The following ATXN7L2 variants were observed in gnomAD, a reference collection of about 807,000 sequenced individuals.
ATXN7L2 encodes ataxin 7 like 2, also known as ataxin-7-like protein 2.
In ATXN7L2, 17 loss-of-function variants were observed where a neutral mutation model predicts 59.6. The observed-to-expected ratio is 0.29, with a 90% confidence interval of 0.20 to 0.43. ATXN7L2 has a LOEUF of 0.43. Among genes scored for constraint, ATXN7L2 ranks in the 20% least tolerant of loss-of-function variants. ATXN7L2 has a pLI of 1.00. For missense variants in ATXN7L2, 858 were observed against 1,008.9 expected (o/e 0.85, Z 2.03); for synonymous variants, 378 against 392.5 (o/e 0.96, Z 0.44).
intron 1 of ATXN7L2, chr1:109,485,351 A>T: frequency 1.0e-6 from 1 of 985,368 alleles, no homozygotes; most frequent in Non-Finnish European, 1.2e-6. Flanking sequence ...TACAAGGGCA[A>T]CCCCTGCCCA....
At chr1:109,485,427 C>T in intron 1 of ATXN7L2, 1 of 985,350 alleles carries the variant, frequency 1.0e-6, no homozygotes, top group Non-Finnish European at 1.2e-6. Context: ...TGCTCAAGGA[C>T]CAAAGACAGC....
At position 109,488,614 on chromosome 1, in the gene ATXN7L2, C is replaced by A; in HGVS notation, c.879+149C>A. On this transcript the variant is annotated intron_variant, in intron 6 of 10. Coordinates refer to ENST00000683729, the MANE Select transcript of ATXN7L2 (RefSeq NM_001350175.2). The surrounding 1 kb of genome is among the most constrained non-coding windows in gnomAD (Gnocchi z 5.0). ...CCCAAGGGAAGGGGAGATGGGTATG[C>A]CCCTCCTGGGCAGAAGGTGGGAACA... 1 of 1,050,810 alleles carries A rather than the reference C, an allele frequency of 9.5e-7. No individual in the cohort carries two copies. 65.1% of individuals were successfully genotyped at this position (1,050,810 alleles called of 1,614,324 possible).
intron 1 of ATXN7L2, 155 bp from the exon 2 acceptor site, chr1:109,485,902 T>C (rs954526447): frequency 1.6e-6 from 2 of 1,285,994 alleles, no homozygotes; most frequent in Non-Finnish European, 2.0e-6. Context: ...TCACGGAGTG[T>C]GGGCTTCATA....
chr1:109,486,166 G>A lies in ATXN7L2; in HGVS notation c.193+44G>A. 1 of 1,520,170 alleles carries A rather than the reference G, an allele frequency of 6.6e-7. No homozygotes were observed. The highest frequency in any genetic ancestry group is 8.8e-7 in the Non-Finnish European group (1 of 1,136,772). The allele number at this position is 1,520,170 out of a possible 1,614,324, so 94.2% of individuals were successfully genotyped here. On this transcript the variant is annotated intron_variant, in intron 2 of 10. Transcript: ENST00000683729. This position sits in a 1 kb window ranked among gnomAD's most constrained non-coding sequence, Gnocchi z 4.3. ...TAGGGCTGGGACCCAGGGCAGACAGGACCACGCTCCACTTTTCCACCACAC... is the reference window on the plus strand; with the variant it reads ...TAGGGCTGGGACCCAGGGCAGACAGAACCACGCTCCACTTTTCCACCACAC...
At position 109,488,798 on chromosome 1, in the gene ATXN7L2, C is replaced by T; in HGVS notation, c.880-49C>T. The T allele has an allele frequency of 6.3e-7, 1 of 1,580,688 alleles. No individual in the cohort carries two copies. The highest frequency in any genetic ancestry group is 8.6e-7 in the Non-Finnish European group (1 of 1,159,472). ...CAAAGCACCCTGCCGTCCCTCACCC[C>T]TTCTCAGTTCATACCTACTCCCCAG... On this transcript the variant is annotated intron_variant, in intron 6 of 10. Transcript: ENST00000683729. The surrounding 1 kb of genome is among the most constrained non-coding windows in gnomAD (Gnocchi z 5.0).
chr1:109,492,149 C>T, intron 10 of ATXN7L2: 3 of 1,039,804 alleles, frequency 2.9e-6, no homozygotes, highest in Non-Finnish European at 3.5e-6. Flanking sequence ...GCATCAGGGC[C>T]TTGAAGGGCA....
rs1233853491 is a variant in ATXN7L2 at position 109,486,360 on chromosome 1, C to T, written c.194-146C>T. On this transcript the variant is annotated intron_variant, in intron 2 of 10. Coordinates refer to ENST00000683729, the MANE Select transcript of ATXN7L2 (RefSeq NM_001350175.2). This position sits in a 1 kb window ranked among gnomAD's most constrained non-coding sequence, Gnocchi z 4.3. The stretch of plus-strand genomic sequence containing the variant: ...CCTTTGGGACTGCTTAGATCGAACT[C>T]TGGAAGCTGGAAGCATTCAGCATGG... The T allele has an allele frequency of 1.1e-6, 1 of 922,122 alleles. No homozygotes were observed. The highest frequency in any genetic ancestry group is 1.6e-6 in the Non-Finnish European group (1 of 620,278). The allele number at this position is 922,122 out of a possible 1,614,324, so 57.1% of individuals were successfully genotyped here.
In ATXN7L2 at chr1:109,491,510, A is replaced by G. The variant is rs781347048; in HGVS notation, c.2043A>G (p.Gly681=). ...PVKASQLENR[G]AAGHPAKALP... ...AGGCTTCTCAGCTGGAGAACCGGGGAGCAGCTGGACACCCAGCCAAGGCCC... is the reference window on the plus strand; with the variant it reads ...AGGCTTCTCAGCTGGAGAACCGGGGGGCAGCTGGACACCCAGCCAAGGCCC... Residue 681 remains glycine, a synonymous_variant, in exon 10 of 11, where the codon GGA becomes GGG. Coordinates refer to ENST00000683729, the MANE Select transcript of ATXN7L2 (RefSeq NM_001350175.2). The surrounding 1 kb of genome is among the most constrained non-coding windows in gnomAD (Gnocchi z 4.1). 3.7e-6 allele frequency: 6 copies of G among 1,613,924 alleles called. No homozygotes were observed. The South Asian group carries it at 6.6e-5, about 18-fold the overall frequency.
Position 109,489,262 on chromosome 1 carries a change from G to A in ATXN7L2, c.1133+162G>A, listed in dbSNP as rs141394780. ...TCCTGACAGTGGTGTGGAAGCAGGA[G>A]ACTCCCCTGTTTCCAACCAGGCATA... On this transcript the variant is annotated intron_variant, in intron 7 of 10. Transcript: ENST00000683729. 2,105 of 956,808 alleles carry A rather than the reference G, an allele frequency of 2.2e-3. 8 individuals are homozygous for A. The highest frequency in any genetic ancestry group is 9.7e-3 in the Middle Eastern group (29 of 2,996). The allele number at this position is 956,808 out of a possible 1,614,324, so 59.3% of individuals were successfully genotyped here. A position where few individuals can be genotyped will look rare whatever the true frequency, so the allele number is the denominator to read the frequency against.
chr1:109,489,618 C>T, intron 7 of ATXN7L2: 1 of 446,834 alleles, frequency 2.2e-6, no homozygotes, highest in Non-Finnish European at 4.0e-6. Flanking sequence ...ACTGGGCTGA[C>T]CAGAGCTGGG....
chr1:109,485,393 A>G, intron 1 of ATXN7L2: 1 of 985,512 alleles, frequency 1.0e-6, no homozygotes, highest in Non-Finnish European at 1.2e-6. Flanking sequence ...GGACTTGCAT[A>G]GCTGACCAAG....
rs759917945 is a variant in ATXN7L2 at position 109,484,010 on chromosome 1, G to A, written c.57G>A (p.Pro19=). ...TGGCCGCTCTGGAGCGGCGGGTGCC[G>A]AGTCTCGATGACTTCGCGGGACAGA... The part of the protein sequence containing the change: ...AAMAALERRV[P]SLDDFAGQSW... Residue 19 remains proline (P), a synonymous_variant, in exon 1 of 11, where the codon CCG becomes CCA. Transcript: ENST00000683729. 3 of 1,401,118 alleles carry A rather than the reference G, an allele frequency of 2.1e-6. No homozygotes were observed. Among genetic ancestry groups the A allele is most frequent in the African/African-American group, 1.5e-5 (1 of 68,252 alleles). 86.8% of individuals were successfully genotyped at this position (1,401,118 alleles called of 1,614,324 possible).
In ATXN7L2 at chr1:109,492,718, T is replaced by G. The variant is rs1453327371; in HGVS notation, c.*118T>G. 1.6e-6 allele frequency: 2 copies of G among 1,221,496 alleles called. No individual in the cohort carries two copies. The highest frequency in any genetic ancestry group is 2.3e-6 in the Non-Finnish European group (2 of 866,254). 75.7% of individuals were successfully genotyped at this position (1,221,496 alleles called of 1,614,324 possible). ...ATTATTTTTTTTTAAGAAAAAAAGC[T>G]CTTTAAAATACCTCAAGACTGTCTC... On this transcript the variant is annotated 3_prime_UTR_variant, in exon 11 of 11. Coordinates refer to ENST00000683729, the MANE Select transcript of ATXN7L2 (RefSeq NM_001350175.2).
chr1:109,489,805 C>G, intron 7 of ATXN7L2, 125 bp from the exon 8 acceptor site: 2 of 960,770 alleles, frequency 2.1e-6, no homozygotes, highest in South Asian at 1.5e-5. Flanking sequence ...CCTCTGTCCT[C>G]TTCTGATTGC....
chr1:109,484,191 C>G, intron 1 of ATXN7L2, 111 bp downstream of exon 1: 3 of 1,129,238 alleles, frequency 2.7e-6, no homozygotes, highest in Non-Finnish European at 2.3e-6. Context: ...TCCGGCTCCC[C>G]GGCCCCCCAA....
Position 109,489,942 on chromosome 1 carries a change from C to T in ATXN7L2, c.1146C>T (p.Ser382=), listed in dbSNP as rs1469824763. 8 of 1,613,644 alleles carry T rather than the reference C, an allele frequency of 5.0e-6. No homozygotes were observed. Among genetic ancestry groups the T allele is most frequent in the Non-Finnish European group, 6.8e-6 (8 of 1,179,990 alleles). The part of the protein sequence containing the change: ...PYCALPRSRA[S]SESELDDEGP... Reference sequence around the variant, plus strand: ...TTGGCCCTTCCAGGTCCCGGGCCTCCTCCGAGAGTGAATTGGATGATGAAG... The same window carrying T: ...TTGGCCCTTCCAGGTCCCGGGCCTCTTCCGAGAGTGAATTGGATGATGAAG... Residue 382 remains serine (S), a synonymous_variant, in exon 8 of 11, where the codon TCC becomes TCT. Coordinates refer to ENST00000683729, the MANE Select transcript of ATXN7L2 (RefSeq NM_001350175.2).
At chr1:109,487,489 C>T (rs1410322573) in intron 4 of ATXN7L2, 29 bp from the exon 5 acceptor site, 2 of 1,476,100 alleles carry the variant, frequency 1.4e-6, no homozygotes, top group African/African-American at 2.9e-5. Flanking sequence ...CCTCCCCTCC[C>T]TCAGCCAACC....
rs948049858 is a variant in ATXN7L2 at position 109,492,638 on chromosome 1, A to C, written c.*38A>C. The C allele has an allele frequency of 6.3e-5, 102 of 1,610,076 alleles. No homozygotes were observed. Among genetic ancestry groups the C allele is most frequent in the Non-Finnish European group, 8.5e-5 (100 of 1,178,838 alleles). On this transcript the variant is annotated 3_prime_UTR_variant, in exon 11 of 11. Coordinates refer to ENST00000683729, the MANE Select transcript of ATXN7L2 (RefSeq NM_001350175.2). ...TGCCCACTGCAACGGAGCCGCCAGCACCTCCTCCCCTCCAGATCCGGGCCC... is the reference window on the plus strand; with the variant it reads ...TGCCCACTGCAACGGAGCCGCCAGCCCCTCCTCCCCTCCAGATCCGGGCCC...
Position 109,490,152 on chromosome 1 carries a change from A to G in ATXN7L2, c.1332+24A>G, listed in dbSNP as rs369361561. 81 of 1,564,350 alleles carry G rather than the reference A, an allele frequency of 5.2e-5. 1 individual carries two copies. In the Admixed American group the frequency reaches 1.3e-3, roughly 25 times the overall value. On this transcript the variant is annotated intron_variant, in intron 8 of 10. Transcript: ENST00000683729. ...CGGTAAGGACCTGGAATAGGGGCCT[A>G]TGGAGGGGGTGGCCCAGCACTCCTG...
Sources: gnomAD v4.1 joint callset for allele counts on GRCh38, gnomAD v4.1.1 for gene constraint, Gnocchi (gnomAD v3.1) non-coding constraint, MANE v1.5 for transcripts, NCBI Gene and HGNC (gene_info 2026-07-23, HGNC 2026-07-21) for gene names.